Variants in DYSF observed in about 807,000 individuals in gnomAD.
DYSF encodes dysferlin, also known as dystrophy-associated fer-1-like 1.
In DYSF, 212 loss-of-function variants were observed where a neutral mutation model predicts 274.9. The ratio of observed to expected loss-of-function variants is 0.77; its 90% CI spans 0.69 to 0.86. The LOEUF is 0.86. Among genes scored for constraint, DYSF ranks in the 40% least tolerant of loss-of-function variants. The pLI, the probability that DYSF is intolerant of heterozygous loss-of-function variation, is 0.00. For missense variants in DYSF, 2,666 were observed against 2,783.2 expected (o/e 0.96, Z 0.95); for synonymous variants, 1,091 against 1,078.7 (o/e 1.01, Z -0.22).
At chr2:71,672,851 G>A (rs1443786218) in intron 51 of DYSF, among the ~76,000 whole-genome samples, 1 of 152,262 alleles carries the variant, frequency 6.6e-6, no homozygotes, top group Admixed American at 6.5e-5. Context: ...CCAGACAGAG[G>A]GCTGGAGGTG....
intron 52 of DYSF, 57 bp downstream of exon 52, chr2:71,674,353 C>T: frequency 6.5e-7 from 1 of 1,534,050 alleles, no homozygotes; most frequent in South Asian, 1.1e-5. Flanking sequence ...AGAACCCACA[C>T]TGTGTGTTTA....
chr2:71,555,210 C>A (rs147651826), intron 21 of DYSF, among the ~76,000 whole-genome samples: 1 of 152,318 alleles, frequency 6.6e-6, no homozygotes, highest in African/African-American at 2.4e-5. Context: ...GCTCCAGTAT[C>A]TGCCTTCTGG....
intron 52 of DYSF, among the ~76,000 whole-genome samples, chr2:71,676,950 T>G (rs2095232783): frequency 6.6e-6 from 1 of 151,782 alleles, no homozygotes. Flanking sequence ...TGTGTGTGTG[T>G]GGTTTAATAT....
At chr2:71,494,799 GAC>G (rs1218989524) in intron 3 of DYSF, among the ~76,000 whole-genome samples, 25 of 152,240 alleles carry the variant, frequency 1.6e-4, no homozygotes, top group African/African-American at 5.5e-4. Flanking sequence ...GTTGGAGTGA[GAC>G]AGACACCCAT....
At chr2:71,477,117 T>G (rs1215159482) in intron 1 of DYSF, among the ~76,000 whole-genome samples, 1 of 152,142 alleles carries the variant, frequency 6.6e-6, no homozygotes. Flanking sequence ...ACAAACGACG[T>G]TCCATGAGAA....
At position 71,686,480 on chromosome 2, in the gene DYSF, G is replaced by A. The variant is rs1194443059; in HGVS notation, c.6348G>A (p.Lys2116=). 1 of 1,613,986 alleles carries A rather than the reference G, an allele frequency of 6.2e-7. No homozygotes were observed. The highest frequency in any genetic ancestry group is 1.3e-5 in the African/African-American group (1 of 74,920). ...ACTATGCTGCCATGAAGCTGGTGAA[G>A]CCCTTCAGCTGAGGACTCTCCTGCC... is the stretch of plus-strand genomic sequence containing the variant. ...FPNYAAMKLV[K]PFS is the part of the protein sequence containing the mutation. Residue 2116 remains lysine (K), a synonymous_variant, in exon 56 of 56, where the codon AAG becomes AAA. Coordinates refer to ENST00000410020, the MANE Select transcript of DYSF (RefSeq NM_001130987.2).
intron 12 of DYSF, among the ~76,000 whole-genome samples, chr2:71,521,963 G>A (rs1299173902): frequency 1.3e-5 from 2 of 152,060 alleles, no homozygotes; most frequent in Non-Finnish European, 1.5e-5. Context: ...GAGCTCCTGT[G>A]GTCCTCAACT....
intron 44 of DYSF, among the ~76,000 whole-genome samples, chr2:71,659,909 A>C (rs1039538286): frequency 6.6e-6 from 1 of 152,258 alleles, no homozygotes; most frequent in Non-Finnish European, 1.5e-5. Context: ...TAGGCCCAGC[A>C]TGTGTCCTTC....
intron 1 of DYSF, among the ~76,000 whole-genome samples, chr2:71,473,320 T>C (rs898999663): frequency 1.3e-5 from 2 of 152,256 alleles, no homozygotes; most frequent in Non-Finnish European, 2.9e-5. Context: ...GGTTTTCTGC[T>C]GATTCTTTGA....
chr2:71,557,502 G>C (rs1390834369), intron 22 of DYSF, among the ~76,000 whole-genome samples: 1 of 152,146 alleles, frequency 6.6e-6, no homozygotes, highest in Non-Finnish European at 1.5e-5. Flanking sequence ...GTGATCCCAG[G>C]GTCTAAATGC....
chr2:71,588,044 A>G (rs1274237760), intron 30 of DYSF, among the ~76,000 whole-genome samples: 3 of 152,192 alleles, frequency 2.0e-5, no homozygotes, highest in African/African-American at 7.2e-5. Context: ...GATGATCTGA[A>G]GACGGGGAGG....
intron 46 of DYSF, 51 bp downstream of exon 46, chr2:71,664,489 G>C (rs1219533954): frequency 6.2e-7 from 1 of 1,605,762 alleles, no homozygotes; most frequent in Non-Finnish European, 8.5e-7. Flanking sequence ...CACCACCCCT[G>C]TCTTCTCTGA....
chr2:71,569,945 C>T lies in DYSF; in HGVS notation c.2979+11C>T, dbSNP rs2152814128. The stretch of plus-strand genomic sequence containing the variant: ...AACTACACCGATGTGGTAAAGCAGG[C>T]ACTCAGGGGCAGGTGGGGTCTAGAC... On this transcript the variant is annotated intron_variant, in intron 27 of 55. Transcript: ENST00000410020. 1 of 1,610,892 alleles carries T rather than the reference C, an allele frequency of 6.2e-7. No individual in the cohort carries two copies.
At chr2:71,515,380 G>A (rs568887066) in intron 7 of DYSF, among the ~76,000 whole-genome samples, 4 of 152,304 alleles carry the variant, frequency 2.6e-5, no homozygotes, top group Middle Eastern at 3.4e-3. Context: ...GGGGTTTAAT[G>A]TGGGTAGCCG....
chr2:71,572,210 A>T (rs369406042), intron 29 of DYSF, among the ~76,000 whole-genome samples: 4 of 126,734 alleles, frequency 3.2e-5, no homozygotes, highest in African/African-American at 6.9e-5. Context: ...CAGCACACCC[A>T]GCACAGATCA....
intron 14 of DYSF, among the ~76,000 whole-genome samples, chr2:71,531,750 T>C (rs2088738405): frequency 6.6e-6 from 1 of 152,010 alleles, no homozygotes; most frequent in South Asian, 2.1e-4. Flanking sequence ...TCAGAAAGGC[T>C]GTGATGTGTT....
chr2:71,499,773 C>A (rs1168251295), intron 3 of DYSF, among the ~76,000 whole-genome samples: 1 of 152,242 alleles, frequency 6.6e-6, no homozygotes, highest in African/African-American at 2.4e-5. Flanking sequence ...CCCCACATTC[C>A]AATGGCTCCA....
chr2:71,570,354 T>C lies in DYSF; in HGVS notation c.3085+20T>C. The C allele has an allele frequency of 6.2e-7, 1 of 1,610,720 alleles. No homozygotes were observed. The highest frequency in any genetic ancestry group is 8.5e-7 in the Non-Finnish European group (1 of 1,177,198). ...AGCAAGGTGGGCAGCATGTGGAACCTGGCGAGCCCCATCCCCGGCAAGCTC... is the reference window on the plus strand; with the variant it reads ...AGCAAGGTGGGCAGCATGTGGAACCCGGCGAGCCCCATCCCCGGCAAGCTC... On this transcript the variant is annotated intron_variant, in intron 28 of 55. Transcript: ENST00000410020.
At chr2:71,508,093 T>G (rs2085684435) in intron 4 of DYSF, among the ~76,000 whole-genome samples, 1 of 152,236 alleles carries the variant, frequency 6.6e-6, no homozygotes, top group Non-Finnish European at 1.5e-5. Context: ...TGTCTCTGCC[T>G]AAGGAGATTC....
Sources: gnomAD v4.1 joint callset for allele counts (sites outside exome capture counted in the v4.1 genomes callset) on GRCh38, gnomAD v4.1.1 for gene constraint, MANE v1.5 for transcripts, NCBI Gene and HGNC (gene_info 2026-07-23, HGNC 2026-07-21) for gene names.